HTR2C: variants seen among roughly 807,000 people sequenced by gnomAD.
HTR2C encodes 5-hydroxytryptamine receptor 2C, also known as 5-hydroxytryptamine (serotonin) receptor 2C, G protein-coupled.
A neutral mutation model predicts 21.0 loss-of-function variants in HTR2C; 5 were observed. The ratio of observed to expected loss-of-function variants is 0.24; its 90% CI spans 0.12 to 0.50. HTR2C has a LOEUF of 0.50. Ranked by LOEUF, HTR2C falls within the 20% of genes least tolerant of loss-of-function variation. HTR2C has a pLI of 0.98. For missense variants in HTR2C, 271 were observed against 371.2 expected, an observed-to-expected ratio of 0.73 and a Z score of 2.22; for synonymous variants, 150 against 145.3, an observed-to-expected ratio of 1.03 and a Z score of -0.23.
chrX:114,670,651 T>C (rs1264925699), intron 2 of HTR2C, among the ~76,000 whole-genome samples: 3 of 112,272 alleles, frequency 2.7e-5, no homozygotes, highest in Non-Finnish European at 5.6e-5. Context: ...TCTGATAGTG[T>C]AAGTTCAATG....
At chrX:114,626,594 CTATT>C (rs1434945104) in intron 2 of HTR2C, among the ~76,000 whole-genome samples, 1 of 111,501 alleles carries the variant, frequency 9.0e-6, no homozygotes, top group Non-Finnish European at 1.9e-5. Flanking sequence ...AACTGATAAT[CTATT>C]TAATGTTCTA....
intron 5 of HTR2C, among the ~76,000 whole-genome samples, chrX:114,881,617 G>A (rs1269157511): frequency 7.3e-5 from 8 of 109,203 alleles, no homozygotes; most frequent in Non-Finnish European, 1.5e-4. Flanking sequence ...TCACTGAATT[G>A]TCTTGACACT....
intron 4 of HTR2C, among the ~76,000 whole-genome samples, chrX:114,779,392 A>G (rs1357063838): frequency 1.2e-5 from 1 of 81,535 alleles, no homozygotes; most frequent in African/African-American, 4.5e-5. Context: ...CCCCTTACCT[A>G]CAACCATTAC....
intron 5 of HTR2C, among the ~76,000 whole-genome samples, chrX:114,897,718 C>A (rs1602926341): frequency 8.9e-6 from 1 of 112,113 alleles, no homozygotes; most frequent in East Asian, 2.8e-4. Flanking sequence ...CATTCATATT[C>A]CTGCAAAGGA....
chrX:114,614,248 TTTTTGTTTTTTTGTTTTG>T (rs1257149417), intron 2 of HTR2C, among the ~76,000 whole-genome samples: 1 of 110,273 alleles, frequency 9.1e-6, no homozygotes, highest in Non-Finnish European at 1.9e-5. Flanking sequence ...TCTTGTTTTT[TTTTTGTTTTTTTGTTTTG>T]TTTTGTTTTC....
intron 5 of HTR2C, among the ~76,000 whole-genome samples, chrX:114,866,109 G>A (rs901395158): frequency 1.2e-4 from 13 of 111,612 alleles, no homozygotes; most frequent in African/African-American, 2.9e-4. Flanking sequence ...GAGCCACTGC[G>A]CCTGGCCCCA....
intron 4 of HTR2C, among the ~76,000 whole-genome samples, chrX:114,768,715 G>A (rs1179083685): frequency 3.6e-5 from 4 of 111,134 alleles, no homozygotes; most frequent in African/African-American, 1.3e-4. Context: ...ACTATGACAA[G>A]TTACTCAATT....
intron 4 of HTR2C, chrX:114,775,527 T>G: frequency 2.0e-6 from 1 of 496,437 alleles, no homozygotes; most frequent in Non-Finnish European, 3.7e-6. Flanking sequence ...GGTAGTACTA[T>G]GCTTGATGAG....
intron 4 of HTR2C, among the ~76,000 whole-genome samples, chrX:114,784,616 T>C (rs2070155543): frequency 9.3e-6 from 1 of 107,034 alleles, no homozygotes; most frequent in Non-Finnish European, 1.9e-5. Flanking sequence ...GTACATCTCC[T>C]GCTTGCTTAA....
chrX:114,641,851 C>T (rs185920338), intron 2 of HTR2C, among the ~76,000 whole-genome samples: 35 of 110,977 alleles, frequency 3.2e-4, no homozygotes, highest in Middle Eastern at 4.7e-3. Flanking sequence ...GGTATTAAGC[C>T]CAGCACGCAT....
At chrX:114,776,476 C>G (rs1556438747) in intron 4 of HTR2C, 9 of 574,735 alleles carry the variant, frequency 1.6e-5, no homozygotes. Context: ...GGACCTTGGG[C>G]CTGTCAGTAT....
chrX:114,833,996 T>A (rs1193660214), intron 4 of HTR2C, among the ~76,000 whole-genome samples: 4 of 110,326 alleles, frequency 3.6e-5, no homozygotes, highest in Middle Eastern at 4.2e-3. Flanking sequence ...TCAGTTTCCA[T>A]GTAGTTGAGC....
chrX:114,615,095 T>C (rs782687193), intron 2 of HTR2C, among the ~76,000 whole-genome samples: 18 of 111,638 alleles, frequency 1.6e-4, no homozygotes, highest in African/African-American at 5.5e-4. Flanking sequence ...TCGAAGTCTA[T>C]CAAAATTCGA....
At chrX:114,698,439 A>AAC (rs1238584989) in intron 2 of HTR2C, among the ~76,000 whole-genome samples, 7 of 43,008 alleles carry the variant, frequency 1.6e-4, no homozygotes, top group Non-Finnish European at 2.9e-4. Flanking sequence ...CACAGGCACA[A>AAC]ACACACACAC....
At chrX:114,780,242 C>T (rs1367410716) in intron 4 of HTR2C, among the ~76,000 whole-genome samples, 2 of 110,580 alleles carry the variant, frequency 1.8e-5, no homozygotes, top group African/African-American at 3.3e-5. Flanking sequence ...TCATGAATAC[C>T]GGGAAACAAC....
intron 2 of HTR2C, among the ~76,000 whole-genome samples, chrX:114,669,189 T>C (rs919585193): frequency 1.6e-4 from 18 of 111,280 alleles, no homozygotes; most frequent in African/African-American, 5.9e-4. Flanking sequence ...GTAAGTAATA[T>C]GTCATAGAAA....
intron 4 of HTR2C, among the ~76,000 whole-genome samples, chrX:114,837,383 A>G (rs1556464434): frequency 8.9e-6 from 1 of 111,928 alleles, no homozygotes. Context: ...TTTTTCCATA[A>G]GATTTGGTGG....
intron 4 of HTR2C, among the ~76,000 whole-genome samples, chrX:114,823,230 G>T (rs1556456962): frequency 9.0e-6 from 1 of 111,634 alleles, no homozygotes; most frequent in African/African-American, 3.3e-5. Context: ...GGTGGGAAAT[G>T]ATATTTTTGA....
intron 4 of HTR2C, among the ~76,000 whole-genome samples, chrX:114,806,030 A>C (rs1213457918): frequency 1.0e-5 from 1 of 98,400 alleles, no homozygotes; most frequent in Admixed American, 1.2e-4. Flanking sequence ...TACACCATAT[A>C]TATACCATAT....
Sources: gnomAD v4.1 joint callset for allele counts (sites outside exome capture counted in the v4.1 genomes callset) on GRCh38, gnomAD v4.1.1 for gene constraint, MANE v1.5 for transcripts, NCBI Gene and HGNC (gene_info 2026-07-23, HGNC 2026-07-21) for gene names.